ATP13A4: variants seen among roughly 807,000 people sequenced by gnomAD.
ATP13A4 encodes the protein ATPase 13A4.
Under a neutral mutation model 142.5 loss-of-function variants are expected in ATP13A4, and 114 were observed. The ratio of observed to expected loss-of-function variants is 0.80; its 90% CI spans 0.69 to 0.93. The LOEUF (loss-of-function observed/expected upper bound fraction) is 0.93, where lower values mean the gene tolerates loss of function less well. ATP13A4 is among the 40% of genes least tolerant of loss of function. The probability of loss-of-function intolerance (pLI) is 0.00; values close to 1 mark genes in which losing one functional copy is unlikely to be tolerated. For synonymous variants in ATP13A4, 488 were observed against 514.8 expected (o/e 0.95, Z 0.70); for missense variants, 1,392 against 1,454.0 (o/e 0.96, Z 0.69).
At chr3:193,483,381 CTT>C (rs1719405054) in intron 8 of ATP13A4, among the ~76,000 whole-genome samples, 1 of 152,164 alleles carries the variant, frequency 6.6e-6, no homozygotes, top group African/African-American at 2.4e-5. Context: ...ATATGCCAAA[CTT>C]ATCAAATTCT....
intron 2 of ATP13A4, among the ~76,000 whole-genome samples, chr3:193,513,751 G>A (rs1721257644): frequency 6.6e-6 from 1 of 152,208 alleles, no homozygotes; most frequent in Non-Finnish European, 1.5e-5. Flanking sequence ...CAAGATGGCT[G>A]CACTTTTTAC....
chr3:193,556,096 G>T, upstream of ATP13A4, among the ~76,000 whole-genome samples: 1 of 152,174 alleles, frequency 6.6e-6, no homozygotes, highest in East Asian at 1.9e-4. Context: ...GACTGTACTA[G>T]GTGGTCGTTG....
At chr3:193,515,026 A>ACT (rs1721334196) in intron 1 of ATP13A4, among the ~76,000 whole-genome samples, 155 bp from the exon 2 acceptor site, 1 of 152,140 alleles carries the variant, frequency 6.6e-6, no homozygotes, top group Admixed American at 6.5e-5. Flanking sequence ...TGGAGAGGAA[A>ACT]TCTTGACAAA....
At chr3:193,469,949 G>T (rs924391642) in intron 9 of ATP13A4, among the ~76,000 whole-genome samples, 1 of 152,200 alleles carries the variant, frequency 6.6e-6, no homozygotes, top group Admixed American at 6.5e-5. Flanking sequence ...TGAGGGAAAA[G>T]AACCTGCTTT....
chr3:193,583,566 A>G (rs1012415171), intron 1 of ATP13A4, among the ~76,000 whole-genome samples: 5 of 152,202 alleles, frequency 3.3e-5, no homozygotes, highest in African/African-American at 1.2e-4. Flanking sequence ...CTGGTACACT[A>G]AATCAGTATT....
intron 1 of ATP13A4, 162 bp downstream of exon 1, chr3:193,554,578 A>G: frequency 1.2e-6 from 1 of 861,560 alleles, no homozygotes; most frequent in Admixed American, 2.0e-5. Flanking sequence ...GGATAGAGAG[A>G]TTTCTCAAAC....
chr3:193,496,383 A>T (rs1422143680), intron 3 of ATP13A4, among the ~76,000 whole-genome samples: 1 of 152,224 alleles, frequency 6.6e-6, no homozygotes, highest in East Asian at 1.9e-4. Context: ...CATATAGACC[A>T]ATGGAACCAC....
chr3:193,593,049 G>A (rs1447557597), exon 1 of ATP13A4: 2 of 345,628 alleles, frequency 5.8e-6, no homozygotes, highest in South Asian at 1.3e-4. Context: ...ATTCCAAATC[G>A]GAAGCAAGAG....
chr3:193,589,140 A>AAAAC (rs71179313), intron 1 of ATP13A4, among the ~76,000 whole-genome samples: 4,524 of 152,070 alleles, frequency 0.03, 79 homozygotes, highest in Admixed American at 0.048. Flanking sequence ...ACTCTGTCTC[A>AAAAC]AAACAAACAA....
At chr3:193,411,937 C>T (rs1056725925) in intron 27 of ATP13A4, among the ~76,000 whole-genome samples, 8 of 152,116 alleles carry the variant, frequency 5.3e-5, no homozygotes, top group African/African-American at 1.9e-4. Flanking sequence ...AGAAAGACAC[C>T]CAGAGGCAAA....
intron 5 of ATP13A4, among the ~76,000 whole-genome samples, chr3:193,492,319 TG>T (rs1317168311): frequency 6.6e-6 from 1 of 152,132 alleles, no homozygotes; most frequent in African/African-American, 2.4e-5. Context: ...TGTCTATGAT[TG>T]GGAAACAAAG....
At chr3:193,508,610 A>G (rs142288039) in intron 2 of ATP13A4, among the ~76,000 whole-genome samples, 8 of 152,370 alleles carry the variant, frequency 5.3e-5, no homozygotes, top group African/African-American at 1.4e-4. Context: ...AAAACGATTT[A>G]TCTTAACATT....
In ATP13A4 at chr3:193,459,148, A is replaced by G. The variant is rs1332733965; in HGVS notation, c.1607T>C (p.Leu536Pro). The G allele has an allele frequency of 6.2e-7, 1 of 1,614,122 alleles. No homozygotes were observed. Among genetic ancestry groups the G allele is most frequent in the Admixed American group, 1.7e-5 (1 of 60,010 alleles). The change falls in exon 14 of 30, where the codon CTG becomes CCG. Residue 536 changes from leucine (L) to proline (P), a missense_variant. Coordinates refer to ENST00000342695, the MANE Select transcript of ATP13A4 (RefSeq NM_032279.4). ...CTGGATGGTCCCATCAAGAAGGATC[A>G]GAGAGTGGCAGCTGGCCATCGCTGC... Reference protein sequence around the residue: ...LCAAMASCHSLILLDGTIQGD... With the variant: ...LCAAMASCHSPILLDGTIQGD...
chr3:193,426,102 G>A (rs1272213155), intron 25 of ATP13A4, among the ~76,000 whole-genome samples: 1 of 151,640 alleles, frequency 6.6e-6, no homozygotes, highest in African/African-American at 2.4e-5. Context: ...GATGACAAGA[G>A]CCTACATACT....
chr3:193,404,912 A>G (rs1224879205), intron 29 of ATP13A4, among the ~76,000 whole-genome samples: 1 of 152,218 alleles, frequency 6.6e-6, no homozygotes, highest in African/African-American at 2.4e-5. Context: ...TAACTCATAC[A>G]TACAAGCATA....
intron 25 of ATP13A4, among the ~76,000 whole-genome samples, chr3:193,418,178 G>A (rs1334343832): frequency 1.7e-5 from 2 of 119,982 alleles, no homozygotes; most frequent in Non-Finnish European, 3.2e-5. Flanking sequence ...TTAGCCAGGC[G>A]AGGTGGCGGG....
intron 2 of ATP13A4, among the ~76,000 whole-genome samples, chr3:193,567,925 G>A (rs1405791595): frequency 6.6e-6 from 1 of 152,048 alleles, no homozygotes; most frequent in East Asian, 1.9e-4. Context: ...GTAAAACACA[G>A]CCACCTGAAG....
At chr3:193,436,823 G>C (rs1306170773) in intron 23 of ATP13A4, among the ~76,000 whole-genome samples, 3 of 140,646 alleles carry the variant, frequency 2.1e-5, no homozygotes, top group Admixed American at 1.4e-4. Flanking sequence ...TGATCCCCGG[G>C]GCCGGGCGCG....
chr3:193,545,972 ATT>A (rs1723198283), intron 1 of ATP13A4, among the ~76,000 whole-genome samples: 1 of 114,280 alleles, frequency 8.8e-6, no homozygotes, highest in Admixed American at 1.0e-4. Flanking sequence ...AAATGTTTAA[ATT>A]GTGTGTGTGT....
Sources: gnomAD v4.1 joint callset for allele counts (sites outside exome capture counted in the v4.1 genomes callset) on GRCh38, gnomAD v4.1.1 for gene constraint, MANE v1.5 for transcripts, NCBI Gene and HGNC (gene_info 2026-07-23, HGNC 2026-07-21) for gene names.